Variants in AGBL4 observed in about 807,000 individuals in gnomAD.
AGBL4 encodes the protein AGBL carboxypeptidase 4.
AGBL4 carries 58 observed loss-of-function variants against 66.4 expected under a neutral mutation model. That is an observed-to-expected ratio of 0.87 (90% CI 0.71 to 1.09). AGBL4 has a LOEUF of 1.09. AGBL4 is among the 50% of genes least tolerant of loss of function. The pLI, the probability that AGBL4 is intolerant of heterozygous loss-of-function variation, is 0.00. For synonymous variants in AGBL4, 234 were observed against 222.9 expected (o/e 1.05, Z -0.44); for missense variants, 579 against 631.0 (o/e 0.92, Z 0.88).
At chr1:49,853,478 G>A (rs1038885045) in intron 1 of AGBL4, among the ~76,000 whole-genome samples, 2 of 152,070 alleles carry the variant, frequency 1.3e-5, no homozygotes, top group Admixed American at 6.6e-5. Context: ...GGAAAAAACA[G>A]CAGAGCATCC....
chr1:49,479,703 C>CTTTTTTTTTTTTT (rs1351125149), intron 3 of AGBL4, among the ~76,000 whole-genome samples: 2 of 136,886 alleles, frequency 1.5e-5, no homozygotes, highest in African/African-American at 2.7e-5. Flanking sequence ...TTCTTTTTTT[C>CTTTTTTTTTTTTT]TTTTTTTTTT....
chr1:48,713,176 G>A (rs1465167438), intron 6 of AGBL4, among the ~76,000 whole-genome samples: 3 of 152,166 alleles, frequency 2.0e-5, no homozygotes, highest in African/African-American at 7.2e-5. Context: ...GAAACAAAGA[G>A]AATTCAGCAA....
rs1553152368 is a variant in AGBL4 at position 49,950,009 on chromosome 1, T to TATACACAC, written c.34+73753_34+73754insGTGTGTAT. On this transcript the variant is annotated intron_variant, in intron 1 of 13. Coordinates refer to ENST00000371839, the MANE Select transcript of AGBL4 (RefSeq NM_032785.4). ...GTATATATATATGTGTATATATATATACACACACATATGTGTGTGTGTGTA... is the reference window on the plus strand; with the variant it reads ...GTATATATATATGTGTATATATATATATACACACACACACACATATGTGTGTGTGTGTA... Among the ~76,000 whole-genome samples, 7 of 102,842 alleles carry TATACACAC rather than the reference T, an allele frequency of 6.8e-5. No individual in the cohort carries two copies. In the South Asian group the frequency reaches 1.3e-3, roughly 19 times the overall value. 67.5% of individuals were successfully genotyped at this position (102,842 alleles called of 152,430 possible).
intron 3 of AGBL4, among the ~76,000 whole-genome samples, chr1:49,413,642 G>T (rs1292523496): frequency 6.6e-6 from 1 of 152,140 alleles, no homozygotes; most frequent in Admixed American, 6.5e-5. Flanking sequence ...TCTTTCACTG[G>T]ATCTGGCCAA....
intron 3 of AGBL4, among the ~76,000 whole-genome samples, chr1:49,573,485 C>A (rs904413924): frequency 6.6e-6 from 1 of 152,068 alleles, no homozygotes; most frequent in African/African-American, 2.4e-5. Context: ...ACACATAATA[C>A]CTTTGACCAT....
rs1235128957 is a variant in AGBL4, at chr1:49,735,306, T to TGG, written c.158-37870_158-37869insCC. 1.5e-3 allele frequency among the ~76,000 whole-genome samples: 230 copies of TGG among 150,192 alleles called. 4 individuals carry two copies. Among genetic ancestry groups the TGG allele is most frequent in the African/African-American group, 5.4e-3 (222 of 40,828 alleles). On this transcript the variant is annotated intron_variant, in intron 2 of 13. Coordinates refer to ENST00000371839, the MANE Select transcript of AGBL4 (RefSeq NM_032785.4). ...AGGTAGAGGTGTGTGGGTGTGTGTG[T>TGG]GTGTGTGTGTGTGTGTGTGTGTGTG... is the stretch of plus-strand genomic sequence containing the variant.
intron 3 of AGBL4, among the ~76,000 whole-genome samples, chr1:49,690,767 T>C (rs1646871861): frequency 1.3e-5 from 2 of 152,204 alleles, no homozygotes; most frequent in Admixed American, 1.3e-4. Flanking sequence ...ATAGTAATAT[T>C]AATAGATAAC....
At chr1:49,272,953 T>C (rs1169084145) in intron 3 of AGBL4, among the ~76,000 whole-genome samples, 2 of 152,208 alleles carry the variant, frequency 1.3e-5, no homozygotes, top group African/African-American at 4.8e-5. Flanking sequence ...TTCCTGGGTA[T>C]TTTAGTCAGA....
At chr1:48,801,209 G>T (rs137863057) in intron 6 of AGBL4, among the ~76,000 whole-genome samples, 2 of 152,086 alleles carry the variant, frequency 1.3e-5, no homozygotes, top group Non-Finnish European at 2.9e-5. Flanking sequence ...GGCAGCCCAC[G>T]TGCAGGGCTT....
intron 2 of AGBL4, among the ~76,000 whole-genome samples, chr1:49,793,784 G>A (rs1224807946): frequency 6.6e-6 from 1 of 151,820 alleles, no homozygotes; most frequent in Non-Finnish European, 1.5e-5. Flanking sequence ...ATAAAACAGA[G>A]AAAAGAGACT....
At chr1:48,696,903 C>T (rs1362596578) in intron 6 of AGBL4, among the ~76,000 whole-genome samples, 1 of 152,156 alleles carries the variant, frequency 6.6e-6, no homozygotes, top group African/African-American at 2.4e-5. Flanking sequence ...CTCCGTGGCC[C>T]CTCCTCCCTG....
chr1:48,669,321 G>A (rs77071982), intron 6 of AGBL4, among the ~76,000 whole-genome samples: 3,694 of 152,288 alleles, frequency 0.024, 158 homozygotes, highest in African/African-American at 0.084. Flanking sequence ...GTGACAAGCC[G>A]TGGAATGGGG....
rs538280855 is a variant in AGBL4, at chr1:48,865,170, C to T, written c.634+2021G>A. Among the ~76,000 whole-genome samples, 12 of 152,150 alleles carry T rather than the reference C, an allele frequency of 7.9e-5. No homozygotes were observed. In the South Asian group the frequency reaches 2.3e-3, roughly 29 times the overall value. ...GCAAGTTGATTCCTAGCTGCTGCAG[C>T]TCCTGGTGAGATGTAGAATGGGGGT... On this transcript the variant is annotated intron_variant, in intron 6 of 13. Transcript: ENST00000371839.
Position 49,479,595 on chromosome 1 carries a change from C to T in AGBL4, c.282+217718G>A, listed in dbSNP as rs146512326. On this transcript the variant is annotated intron_variant, in intron 3 of 13. Transcript: ENST00000371839. ...TCTTGGGTTAGTTTGCTAAGGATAACGGTGTCCAGCCCCATCCATGTCATG... is the reference window on the plus strand; with the variant it reads ...TCTTGGGTTAGTTTGCTAAGGATAATGGTGTCCAGCCCCATCCATGTCATG... Among the ~76,000 whole-genome samples the T allele has an allele frequency of 2.0e-3, 302 of 151,926 alleles. 1 individual carries two copies. Among genetic ancestry groups the T allele is most frequent in the African/African-American group, 7.0e-3 (291 of 41,488 alleles).
At chr1:49,638,118 T>C (rs1376607857) in intron 3 of AGBL4, among the ~76,000 whole-genome samples, 1 of 152,126 alleles carries the variant, frequency 6.6e-6, no homozygotes, top group African/African-American at 2.4e-5. Flanking sequence ...AAAAGCAGAG[T>C]ATGGACTCAG....
At chr1:49,701,261 C>T (rs1647086969) in intron 2 of AGBL4, among the ~76,000 whole-genome samples, 1 of 150,576 alleles carries the variant, frequency 6.6e-6, no homozygotes, top group Non-Finnish European at 1.5e-5. Flanking sequence ...CACTGCACTC[C>T]AGCCTGGGTA....
chr1:49,944,922 T>C (rs1215863703), intron 1 of AGBL4, among the ~76,000 whole-genome samples: 3 of 151,926 alleles, frequency 2.0e-5, no homozygotes. Flanking sequence ...TGAAATGCTC[T>C]AGAAAGTCTC....
At chr1:49,538,488 A>G (rs1398402485) in intron 3 of AGBL4, among the ~76,000 whole-genome samples, 1 of 152,248 alleles carries the variant, frequency 6.6e-6, no homozygotes, top group Non-Finnish European at 1.5e-5. Flanking sequence ...ACTATGCAAT[A>G]TATCCGTGTA....
chr1:49,384,820 C>T (rs1644702236), intron 3 of AGBL4, among the ~76,000 whole-genome samples: 1 of 152,100 alleles, frequency 6.6e-6, no homozygotes, highest in Non-Finnish European at 1.5e-5. Flanking sequence ...ATGATACAGC[C>T]TCTCTAGAAA....
Sources: gnomAD v4.1 joint callset for allele counts (sites outside exome capture counted in the v4.1 genomes callset) on GRCh38, gnomAD v4.1.1 for gene constraint, MANE v1.5 for transcripts, NCBI Gene and HGNC (gene_info 2026-07-23, HGNC 2026-07-21) for gene names.